PTCH1: variants seen among roughly 807,000 people sequenced by gnomAD.
The protein encoded by PTCH1 is patched 1, also known as protein patched homolog 1.
PTCH1 carries 14 observed loss-of-function variants against 144.6 expected under a neutral mutation model. The observed-to-expected ratio is 0.10, with a 90% CI of 0.06 to 0.15. PTCH1 has a LOEUF of 0.15. PTCH1 is among the 10% of genes least tolerant of loss of function. The probability of loss-of-function intolerance (pLI) is 1.00; values close to 1 mark genes in which losing one functional copy is unlikely to be tolerated. For missense variants in PTCH1, 1,623 were observed against 1,948.3 expected, an observed-to-expected ratio of 0.83 and a Z score of 3.14; for synonymous variants, 833 against 793.6, an observed-to-expected ratio of 1.05 and a Z score of -0.83.
intron 2 of PTCH1, among the ~76,000 whole-genome samples, chr9:95,498,453 G>A (rs1203249435): frequency 6.6e-6 from 1 of 152,152 alleles, no homozygotes; most frequent in Non-Finnish European, 1.5e-5. Context: ...ACACATGACA[G>A]CTGTTTTTCC....
At chr9:95,480,261 A>G in intron 6 of PTCH1, 129 bp downstream of exon 6, 2 of 1,521,746 alleles carry the variant, frequency 1.3e-6, no homozygotes, top group Non-Finnish European at 1.8e-6. Flanking sequence ...AAATAAACTT[A>G]GTTCCATAGA....
At chr9:95,506,751 G>A (rs1325763629) in intron 1 of PTCH1, 152 bp from the exon 2 acceptor site, 7 of 1,062,550 alleles carry the variant, frequency 6.6e-6, no homozygotes, top group East Asian at 6.9e-5. Context: ...CTGCAGCCCC[G>A]GCGGATCTGA....
rs771847879 is a variant in PTCH1 at position 95,508,261 on chromosome 9, C to T, written c.101G>A (p.Arg34Lys). 1 of 1,589,432 alleles carries T rather than the reference C, an allele frequency of 6.3e-7. No individual in the cohort carries two copies. Among genetic ancestry groups the T allele is most frequent in the Non-Finnish European group, 8.5e-7 (1 of 1,170,798 alleles). Residue 34 changes from arginine to lysine, a missense_variant, in exon 1 of 24, where the codon AGA becomes AAA. Around this residue, in one of 7 missense-constraint regions of PTCH1, gnomAD observed 245 missense variants for 240.6 expected, o/e 1.02. Transcript: ENST00000331920. ...AGCACGGCGCAGCCCCCCCGTCCGT[C>T]TGCGCCTCCCGCCTCCAGCCGGCCG... ...PGRPAGGGRR[R>K]RTGGLRRAAA...
At chr9:95,498,615 G>A (rs1842941037) in intron 2 of PTCH1, among the ~76,000 whole-genome samples, 1 of 151,812 alleles carries the variant, frequency 6.6e-6, no homozygotes, top group Non-Finnish European at 1.5e-5. Flanking sequence ...GAAGGCATTA[G>A]ACATTGCAGT....
Position 95,458,330 on chromosome 9 carries a change from G to A in PTCH1, c.2888-37C>T. On this transcript the variant is annotated intron_variant, in intron 17 of 23. Transcript: ENST00000331920. This position sits in a 1 kb window ranked among gnomAD's most constrained non-coding sequence, Gnocchi z 4.7. ...AGGGCACAGGTTAGGAGCAGCCCAG[G>A]GTAGAAGAGCATCACAGTTTCAATG... 2 of 1,606,316 alleles carry A rather than the reference G, an allele frequency of 1.2e-6. No homozygotes were observed. Among genetic ancestry groups the A allele is most frequent in the Non-Finnish European group, 8.5e-7 (1 of 1,176,446 alleles).
In PTCH1 at chr9:95,508,704, G is replaced by C. The variant is rs1043678120; in HGVS notation, c.-343C>G. Reference sequence around the variant, plus strand: ...GGCGCGCCGAGCGAGCCTGTCCTTCGGGCGCTTCCGCGGCACTCCTTGCGG... The same window carrying C: ...GGCGCGCCGAGCGAGCCTGTCCTTCCGGCGCTTCCGCGGCACTCCTTGCGG... On this transcript the variant is annotated 5_prime_UTR_variant, in exon 1 of 24. Transcript: ENST00000331920. 7 of 986,646 alleles carry C rather than the reference G, an allele frequency of 7.1e-6. No homozygotes were observed. The African/African-American group carries it at 1.0e-4, about 15-fold the overall frequency. 61.1% of individuals were successfully genotyped at this position (986,646 alleles called of 1,614,324 possible). A position where few individuals can be genotyped will look rare whatever the true frequency, so the allele number is the denominator to read the frequency against.
rs1844005913 is a variant in PTCH1 at position 95,509,180 on chromosome 9, T to G, written c.-819A>C. Reference sequence around the variant, plus strand: ...TGCAGCGGGCAGCGGCCGCAGCAGCTCCTTGATTCAATAGATGAGATGGAA... The same window carrying G: ...TGCAGCGGGCAGCGGCCGCAGCAGCGCCTTGATTCAATAGATGAGATGGAA... On this transcript the variant is annotated 5_prime_UTR_variant, in exon 1 of 24. Coordinates refer to ENST00000331920, the MANE Select transcript of PTCH1 (RefSeq NM_000264.5). 6.7e-6 allele frequency among the ~76,000 whole-genome samples: 1 copy of G among 149,882 alleles called. No homozygotes were observed. The highest frequency in any genetic ancestry group is 1.5e-5 in the Non-Finnish European group (1 of 67,736).
At position 95,444,743 on chromosome 9, in the gene PTCH1, ACTT is replaced by A. The variant is rs1837743640; in HGVS notation, c.*1647_*1649del. 6.6e-6 allele frequency: 1 copy of A among 152,204 alleles called. No individual in the cohort carries two copies. Among genetic ancestry groups the A allele is most frequent in the Non-Finnish European group, 1.5e-5 (1 of 68,098 alleles). The allele number at this position is 152,204 out of a possible 1,614,324, so 9.4% of individuals were successfully genotyped here. A position where few individuals can be genotyped will look rare whatever the true frequency, so the allele number is the denominator to read the frequency against. ...TGCAGGGACCCCGCCCTTTCCTCTG[ACTT>A]CTTGTCTGTAACAAGGTGCTGGTGT... On this transcript the variant is annotated 3_prime_UTR_variant, in exon 24 of 24. Transcript: ENST00000331920.
At chr9:95,516,537 C>T in exon 1 of PTCH1, 4 of 1,540,442 alleles carry the variant, frequency 2.6e-6, no homozygotes, top group Admixed American at 4.4e-5. Flanking sequence ...TTGGATTTCA[C>T]ATCAATTCCT....
In PTCH1 at chr9:95,447,016, C is replaced by T. The variant is rs149667902; in HGVS notation, c.4240G>A (p.Val1414Met). The change falls in exon 23 of 24, where the codon GTG becomes ATG. Residue 1414 changes from valine (V) to methionine (M), a missense_variant. Val to Met is a conservative substitution (Grantham distance 21, BLOSUM62 1). Around this residue, in one of 7 missense-constraint regions of PTCH1, gnomAD observed 291 missense variants for 287.4 expected, o/e 1.01. Transcript: ENST00000331920. ...CTCTCACACCGGACGTGGAAAGGCA[C>T]GTGGGGGTCCTCAAACAGGCCGTGG... ...TDHGLFEDPH[V>M]PFHVRCERRD... The T allele has an allele frequency of 6.0e-5, 97 of 1,614,198 alleles. No homozygotes were observed. The highest frequency in any genetic ancestry group is 4.7e-4 in the Admixed American group (28 of 60,032).
chr9:95,456,884 G>A (rs574295649), intron 18 of PTCH1, among the ~76,000 whole-genome samples: 3 of 152,226 alleles, frequency 2.0e-5, no homozygotes, highest in South Asian at 2.1e-4. Context: ...CTGATAGGAC[G>A]GGGTGAATAA....
chr9:95,483,947 T>C (rs1316695863), intron 3 of PTCH1: 1 of 152,214 alleles, frequency 6.6e-6, no homozygotes, highest in East Asian at 1.9e-4. Flanking sequence ...AACCTGGCTC[T>C]CTCATTTCAT....
intron 1 of PTCH1, chr9:95,507,901 TGTATACA>T: frequency 7.7e-7 from 1 of 1,300,922 alleles, no homozygotes; most frequent in Non-Finnish European, 9.9e-7. Context: ...GGAGGGCGTG[TGTATACA>T]CACACACACA....
In PTCH1 at chr9:95,446,857, C is replaced by A; in HGVS notation, c.*1+54G>T. 2.5e-6 allele frequency: 4 copies of A among 1,606,786 alleles called. No homozygotes were observed. The East Asian group carries it at 6.7e-5, about 27-fold the overall frequency. On this transcript the variant is annotated intron_variant, in intron 23 of 23. Transcript: ENST00000331920. Reference sequence around the variant, plus strand: ...GCCGAGAACCCCAGGAGAACCTTGTCCTCCTCTTTGCCTGGCTCTAGGTCC... The same window carrying A: ...GCCGAGAACCCCAGGAGAACCTTGTACTCCTCTTTGCCTGGCTCTAGGTCC...
Position 95,461,944 on chromosome 9 carries a change from T to C in PTCH1, c.2615A>G (p.Asn872Ser), listed in dbSNP as rs769029578. 4 of 1,614,218 alleles carry C rather than the reference T, an allele frequency of 2.5e-6. No individual in the cohort carries two copies. The South Asian group carries it at 3.3e-5, about 13-fold the overall frequency. ...DWETGKIMPNNYKNGSDDGVL... is the reference protein window; with the variant it reads ...DWETGKIMPNSYKNGSDDGVL... Reference sequence around the variant, plus strand: ...TCCATCGTCTGATCCATTCTTGTAATTGTTTGGCATGATTTTCCCGGTTTC... The same window carrying C: ...TCCATCGTCTGATCCATTCTTGTAACTGTTTGGCATGATTTTCCCGGTTTC... Residue 872 changes from asparagine (N) to serine (S), a missense_variant, in exon 16 of 24, where the codon AAT (asparagine) becomes AGT (serine). By Grantham distance (46) the Asn-to-Ser change is conservative (BLOSUM62 1). This residue lies in a region of PTCH1 where 504 missense variants were observed against 679.3 expected (regional missense o/e 0.74). Coordinates refer to ENST00000331920, the MANE Select transcript of PTCH1 (RefSeq NM_000264.5).
chr9:95,508,466 G>A lies in PTCH1; in HGVS notation c.-105C>T. On this transcript the variant is annotated 5_prime_UTR_variant, in exon 1 of 24. Transcript: ENST00000331920. ...CCTGGCGCGCCTGGGCGCTCGGCTT[G>A]CGAGGACGCTGCTGGCCGCAGGCTG... is the stretch of plus-strand genomic sequence containing the variant. 9.8e-7 allele frequency: 1 copy of A among 1,023,256 alleles called. No homozygotes were observed. Among genetic ancestry groups the A allele is most frequent in the Non-Finnish European group, 1.2e-6 (1 of 855,128 alleles). The allele number at this position is 1,023,256 out of a possible 1,614,324, so 63.4% of individuals were successfully genotyped here. A position where few individuals can be genotyped will look rare whatever the true frequency, so the allele number is the denominator to read the frequency against.
At chr9:95,509,566 AGT>A (rs1844033485), upstream of PTCH1, among the ~76,000 whole-genome samples, 1 of 152,318 alleles carries the variant, frequency 6.6e-6, no homozygotes, top group East Asian at 1.9e-4. Flanking sequence ...TCTTTTCAAC[AGT>A]GTCTTCTTTT....
At chr9:95,466,096 G>A (rs925712689) in intron 15 of PTCH1, among the ~76,000 whole-genome samples, 4 of 152,080 alleles carry the variant, frequency 2.6e-5, no homozygotes, top group Admixed American at 1.3e-4. Context: ...CGCCCAGGCT[G>A]GAATGCAATG....
At position 95,480,439 on chromosome 9, in the gene PTCH1, G is replaced by A. The variant is rs141939274; in HGVS notation, c.896C>T (p.Pro299Leu). 75 of 1,611,348 alleles carry A rather than the reference G, an allele frequency of 4.7e-5. 1 individual carries two copies. In the Admixed American group the frequency reaches 5.9e-4, roughly 13 times the overall value. The change falls in exon 6 of 24, where the codon CCG becomes CTG. Residue 299 changes from proline (P) to leucine (L), a missense_variant. Around this residue, in one of 7 missense-constraint regions of PTCH1, gnomAD observed 230 missense variants for 271.0 expected, o/e 0.85. Coordinates refer to ENST00000331920, the MANE Select transcript of PTCH1 (RefSeq NM_000264.5). ...TGTGGCGGGGCAGTCTGGATCGGCC[G>A]GATTGAGGCAGGGGCGGTCCATGTA... The part of the protein sequence containing the change: ...HGYMDRPCLN[P>L]ADPDCPATAP...
Sources: gnomAD v4.1 joint callset for allele counts (sites outside exome capture counted in the v4.1 genomes callset) on GRCh38, gnomAD v4.1.1 for gene constraint, gnomAD v4.1.1 regional missense constraint, Gnocchi (gnomAD v3.1) non-coding constraint, MANE v1.5 for transcripts, NCBI Gene and HGNC (gene_info 2026-07-23, HGNC 2026-07-21) for gene names.